Variants in PRKG1 observed in about 807,000 individuals in gnomAD.
PRKG1 encodes cGMP-dependent protein kinase 1.
Under a neutral mutation model 88.1 loss-of-function variants are expected in PRKG1, and 35 were observed. The observed-to-expected ratio is 0.40, with a 90% CI of 0.30 to 0.53. The LOEUF (loss-of-function observed/expected upper bound fraction) is 0.53. Ranked by LOEUF, PRKG1 falls within the 20% of genes least tolerant of loss-of-function variation. PRKG1 has a pLI of 0.59. For missense variants in PRKG1, 540 were observed against 839.8 expected, an observed-to-expected ratio of 0.64 and a Z score of 4.41; for synonymous variants, 303 against 292.5, an observed-to-expected ratio of 1.04 and a Z score of -0.37.
At chr10:50,997,533 G>A (rs371771657) in intron 1 of PRKG1, among the ~76,000 whole-genome samples, 170 of 152,278 alleles carry the variant, frequency 1.1e-3, no homozygotes, top group African/African-American at 3.9e-3. Flanking sequence ...CTGAGAGTGC[G>A]TTAAAACCTT....
chr10:51,377,821 C>T (rs867648009), intron 2 of PRKG1, among the ~76,000 whole-genome samples: 29 of 152,186 alleles, frequency 1.9e-4, no homozygotes, highest in African/African-American at 7.0e-4. Flanking sequence ...TGCTTCATTG[C>T]CTGTTGCTTA....
chr10:51,653,562 A>AT lies in PRKG1; in HGVS notation c.593-151016dup, dbSNP rs916366868. On this transcript the variant is annotated intron_variant, in intron 3 of 17. Transcript: ENST00000373980. ...TTTGCTTATTTTCTTTTCTCTGACT[A>AT]TTTTTTTCTTTCTTTTTTTTCCTTT... 3.0e-4 allele frequency among the ~76,000 whole-genome samples: 45 copies of AT among 151,502 alleles called. 1 individual carries two copies. The highest frequency in any genetic ancestry group is 1.1e-3 in the African/African-American group (44 of 41,290).
intron 5 of PRKG1, among the ~76,000 whole-genome samples, chr10:52,023,667 T>A (rs1192589224): frequency 6.6e-6 from 1 of 152,250 alleles, no homozygotes; most frequent in Non-Finnish European, 1.5e-5. Flanking sequence ...TGATGGCCAG[T>A]GATGGCGAGC....
intron 2 of PRKG1, among the ~76,000 whole-genome samples, chr10:51,255,593 A>G (rs1345189723): frequency 6.6e-6 from 1 of 152,110 alleles, no homozygotes; most frequent in East Asian, 1.9e-4. Context: ...TGAGATTGTC[A>G]ATAAGATGGA....
At chr10:51,185,720 T>C (rs992788925) in intron 2 of PRKG1, among the ~76,000 whole-genome samples, 1 of 151,832 alleles carries the variant, frequency 6.6e-6, no homozygotes, top group African/African-American at 2.4e-5. Context: ...ATAGTTTTAA[T>C]GATTGCATAG....
intron 3 of PRKG1, among the ~76,000 whole-genome samples, chr10:51,583,283 T>C (rs1470233374): frequency 6.6e-6 from 1 of 152,106 alleles, no homozygotes; most frequent in Non-Finnish European, 1.5e-5. Flanking sequence ...ATTATATGAA[T>C]TTAGGCAATT....
chr10:51,550,093 G>A (rs1026396603), intron 3 of PRKG1, among the ~76,000 whole-genome samples: 6 of 152,114 alleles, frequency 3.9e-5, no homozygotes, highest in Admixed American at 3.3e-4. Context: ...AAATGCACAC[G>A]AATACCATGA....
intron 1 of PRKG1, among the ~76,000 whole-genome samples, chr10:51,149,857 T>G (rs1399808273): frequency 6.6e-6 from 1 of 152,026 alleles, no homozygotes; most frequent in Non-Finnish European, 1.5e-5. Context: ...CTACACACCA[T>G]GGCTTCCTCC....
intron 9 of PRKG1, among the ~76,000 whole-genome samples, chr10:52,187,717 G>A (rs1839234104): frequency 6.6e-6 from 1 of 152,168 alleles, no homozygotes; most frequent in Non-Finnish European, 1.5e-5. Context: ...GCTGCTCGTT[G>A]ACATGATAAC....
chr10:51,422,229 A>G (rs975227962), intron 2 of PRKG1, among the ~76,000 whole-genome samples: 3 of 152,186 alleles, frequency 2.0e-5, no homozygotes, highest in Admixed American at 2.0e-4. Context: ...TATTAACCAC[A>G]ATAGTTTCAC....
chr10:51,025,816 T>C (rs924155524), intron 1 of PRKG1, among the ~76,000 whole-genome samples: 1 of 152,184 alleles, frequency 6.6e-6, no homozygotes, highest in African/African-American at 2.4e-5. Context: ...ATCACTTGGC[T>C]TGAAGGAAGG....
At chr10:51,688,918 C>G (rs1324543899) in intron 3 of PRKG1, among the ~76,000 whole-genome samples, 2 of 152,076 alleles carry the variant, frequency 1.3e-5, no homozygotes, top group Non-Finnish European at 2.9e-5. Context: ...TGGGAGGTAC[C>G]TGGTGGGAGA....
At position 51,698,283 on chromosome 10, in the gene PRKG1, T is replaced by C. The variant is rs369368999; in HGVS notation, c.593-106302T>C. On this transcript the variant is annotated intron_variant, in intron 3 of 17. Coordinates refer to ENST00000373980, the MANE Select transcript of PRKG1 (RefSeq NM_006258.4). ...CGTGTCTCTAAGACCTCAGTTTCCA[T>C]GGCACGAGTCTCCATCGCTCGAGAA... 4.3e-6 allele frequency: 7 copies of C among 1,614,014 alleles called. No individual in the cohort carries two copies. Among genetic ancestry groups the C allele is most frequent in the Middle Eastern group, 3.3e-4 (2 of 6,084 alleles).
chr10:51,799,584 T>A (rs1183979874), intron 3 of PRKG1, among the ~76,000 whole-genome samples: 1 of 151,892 alleles, frequency 6.6e-6, no homozygotes, highest in Non-Finnish European at 1.5e-5. Flanking sequence ...ACACTTTAGT[T>A]ACTGAGCTGT....
At chr10:51,870,422 T>C (rs1841127170) in intron 4 of PRKG1, among the ~76,000 whole-genome samples, 1 of 142,996 alleles carries the variant, frequency 7.0e-6, no homozygotes, top group South Asian at 2.1e-4. Flanking sequence ...ACCGTCCATC[T>C]GCTTGGCCAT....
intron 3 of PRKG1, among the ~76,000 whole-genome samples, chr10:51,506,708 T>G (rs1432115226): frequency 6.6e-6 from 1 of 152,180 alleles, no homozygotes; most frequent in Non-Finnish European, 1.5e-5. Context: ...TTGGTGGGAC[T>G]GTAAACTAGT....
intron 2 of PRKG1, among the ~76,000 whole-genome samples, chr10:51,243,530 T>G (rs1024725047): frequency 6.6e-6 from 1 of 152,190 alleles, no homozygotes; most frequent in African/African-American, 2.4e-5. Context: ...CCTGGACTCA[T>G]CGTCTGTACA....
At chr10:51,695,019 A>G (rs1158469523) in intron 3 of PRKG1, among the ~76,000 whole-genome samples, 1 of 152,130 alleles carries the variant, frequency 6.6e-6, no homozygotes, top group Non-Finnish European at 1.5e-5. Context: ...AACCCTTATG[A>G]AGGCAGCATA....
chr10:51,238,583 A>AACAAAAAT (rs1373420532), intron 2 of PRKG1, among the ~76,000 whole-genome samples: 1 of 150,848 alleles, frequency 6.6e-6, no homozygotes, highest in East Asian at 1.9e-4. Flanking sequence ...ACTCTACCTT[A>AACAAAAAT]AAAAAAATAA....
Sources: allele counts gnomAD v4.1 joint callset (sites outside exome capture counted in the v4.1 genomes callset), GRCh38; gene constraint gnomAD v4.1.1; transcripts MANE v1.5; gene names NCBI Gene and HGNC (gene_info 2026-07-23, HGNC 2026-07-21).